Variants in TSPAN18 observed in about 807,000 individuals in gnomAD.
The protein encoded by TSPAN18 is tetraspanin 18, also known as tetraspanin-18.
Under a neutral mutation model 27.3 loss-of-function variants are expected in TSPAN18, and 14 were observed. The ratio of observed to expected loss-of-function variants is 0.51; its 90% CI spans 0.34 to 0.80. The LOEUF (loss-of-function observed/expected upper bound fraction) is 0.80, where lower values mean the gene tolerates loss of function less well. Among genes scored for constraint, TSPAN18 ranks in the 30% least tolerant of loss-of-function variants. The pLI is 0.01. For missense variants in TSPAN18, 268 were observed against 323.9 expected, an observed-to-expected ratio of 0.83 and a Z score of 1.32; for synonymous variants, 143 against 136.5, an observed-to-expected ratio of 1.05 and a Z score of -0.33.
intron 1 of TSPAN18, among the ~76,000 whole-genome samples, chr11:44,744,427 C>G (rs1157829525): frequency 6.6e-6 from 1 of 152,102 alleles, no homozygotes; most frequent in Non-Finnish European, 1.5e-5. Flanking sequence ...TCTGGCCTTC[C>G]CAGTGGTTCC....
chr11:44,917,873 C>G, intron 5 of TSPAN18, 99 bp from the exon 6 acceptor site: 1 of 1,079,372 alleles, frequency 9.3e-7, no homozygotes, highest in Non-Finnish European at 1.4e-6. Flanking sequence ...AATGAGTATA[C>G]TGCGTCACTG....
intron 3 of TSPAN18, among the ~76,000 whole-genome samples, chr11:44,866,575 A>G (rs1161960515): frequency 3.9e-5 from 6 of 152,100 alleles, no homozygotes; most frequent in African/African-American, 9.7e-5. Context: ...CAGTCTCCCA[A>G]CCATTCTCTG....
chr11:44,811,175 C>CACACAG (rs1554986590), intron 2 of TSPAN18, among the ~76,000 whole-genome samples: 2 of 149,426 alleles, frequency 1.3e-5, no homozygotes, highest in African/African-American at 4.9e-5. Flanking sequence ...CACACACACA[C>CACACAG]CCCTGCCTGT....
intron 3 of TSPAN18, among the ~76,000 whole-genome samples, chr11:44,891,928 G>A (rs952786352): frequency 6.6e-6 from 1 of 152,214 alleles, no homozygotes; most frequent in Non-Finnish European, 1.5e-5. Context: ...GTGTTATGGT[G>A]TGAATTACCA....
chr11:44,858,363 AGAG>A (rs776976108), intron 2 of TSPAN18, among the ~76,000 whole-genome samples: 4 of 149,890 alleles, frequency 2.7e-5, no homozygotes, highest in Admixed American at 6.6e-5. Context: ...CAGGGGAATT[AGAG>A]GAGGAGAAGC....
chr11:44,876,669 G>A (rs756740735), intron 3 of TSPAN18, among the ~76,000 whole-genome samples: 2 of 152,152 alleles, frequency 1.3e-5, no homozygotes, highest in African/African-American at 2.4e-5. Flanking sequence ...CTTTTACAAT[G>A]ATTTGTTTTA....
chr11:44,917,409 A>G (rs934608673), intron 5 of TSPAN18, among the ~76,000 whole-genome samples: 1 of 152,218 alleles, frequency 6.6e-6, no homozygotes, highest in South Asian at 2.1e-4. Flanking sequence ...CTCCTGGCCC[A>G]TGGGTTTTGA....
intron 2 of TSPAN18, among the ~76,000 whole-genome samples, chr11:44,816,328 A>G (rs1856818174): frequency 6.6e-6 from 1 of 152,234 alleles, no homozygotes; most frequent in Non-Finnish European, 1.5e-5. Flanking sequence ...GGTCACCCGC[A>G]ACTGAAATTG....
Position 44,909,829 on chromosome 11 carries a change from G to A in TSPAN18, c.188G>A (p.Gly63Asp), listed in dbSNP as rs757262171. 2 of 1,614,064 alleles carry A rather than the reference G, an allele frequency of 1.2e-6. No individual in the cohort carries two copies. Among genetic ancestry groups the A allele is most frequent in the Non-Finnish European group, 1.7e-6 (2 of 1,180,018 alleles). The change falls in exon 5 of 10, where the codon GGC (glycine) becomes GAC (aspartate). Residue 63 changes from glycine to aspartate, a missense_variant. Physicochemically the swap from Gly to Asp is moderately conservative, Grantham distance 94 (BLOSUM62 -1). Coordinates refer to ENST00000520358, the MANE Select transcript of TSPAN18 (RefSeq NM_130783.5). ...GCCTACATCCTCCTGGCCATGGGGG[G>A]CCTGCTCTTTCTGCTCGGCTTCCTG... The part of the protein sequence containing the change: ...TGAYILLAMG[G>D]LLFLLGFLGC...
At chr11:44,806,826 C>T (rs780379728) in intron 2 of TSPAN18, among the ~76,000 whole-genome samples, 3 of 152,122 alleles carry the variant, frequency 2.0e-5, no homozygotes, top group Admixed American at 6.5e-5. Flanking sequence ...CCTTCAACAC[C>T]TCCAGAGCAG....
intron 2 of TSPAN18, among the ~76,000 whole-genome samples, chr11:44,843,090 T>C (rs1857407043): frequency 6.6e-6 from 1 of 152,264 alleles, no homozygotes; most frequent in East Asian, 1.9e-4. Flanking sequence ...CATATATATC[T>C]AATATAGCAT....
At chr11:44,816,285 A>G (rs539240763) in intron 2 of TSPAN18, among the ~76,000 whole-genome samples, 1 of 152,370 alleles carries the variant, frequency 6.6e-6, no homozygotes, top group South Asian at 2.1e-4. Context: ...ACCAGGAGGC[A>G]GTTGCATGTG....
chr11:44,892,348 C>A lies in TSPAN18; in HGVS notation c.-10-14059C>A, dbSNP rs186912847. 1.8e-3 allele frequency among the ~76,000 whole-genome samples: 277 copies of A among 152,308 alleles called. 1 individual carries two copies. The highest frequency in any genetic ancestry group is 3.1e-3 in the Admixed American group (47 of 15,308). ...CTGACCCGCGCCATTCCTCCCAGGC[C>A]CCTGGACTTGGTTGCTTGGCCTGCT... On this transcript the variant is annotated intron_variant, in intron 3 of 9. Transcript: ENST00000520358.
At chr11:44,740,444 G>A (rs1322506964) in intron 1 of TSPAN18, among the ~76,000 whole-genome samples, 1 of 152,216 alleles carries the variant, frequency 6.6e-6, no homozygotes, top group Non-Finnish European at 1.5e-5. Context: ...TGTCCTGTGA[G>A]AGGGCAGGGC....
At position 44,930,499 on chromosome 11, in the gene TSPAN18, G is replaced by C. The variant is rs1005887483; in HGVS notation, c.*1321G>C. The C allele has an allele frequency of 8.4e-6, 2 of 237,890 alleles. No individual in the cohort carries two copies. The highest frequency in any genetic ancestry group is 2.3e-5 in the African/African-American group (1 of 43,612). The allele number at this position is 237,890 out of a possible 1,614,324, so 14.7% of individuals were successfully genotyped here. On this transcript the variant is annotated 3_prime_UTR_variant, in exon 10 of 10. Transcript: ENST00000520358. ...CAGGCTAAAGAATCCCGAAGGCATC[G>C]AGGCCATTTCTGCTGCAACAAGGTT...
At chr11:44,872,112 G>A (rs777544712) in intron 3 of TSPAN18, among the ~76,000 whole-genome samples, 8 of 151,922 alleles carry the variant, frequency 5.3e-5, no homozygotes, top group Non-Finnish European at 7.4e-5. Context: ...TGTATTTTTA[G>A]TAGAGACAGG....
At chr11:44,761,403 C>T (rs1855452207) in intron 1 of TSPAN18, among the ~76,000 whole-genome samples, 1 of 152,224 alleles carries the variant, frequency 6.6e-6, no homozygotes, top group Admixed American at 6.5e-5. Context: ...GAGGAGGGGA[C>T]TGCAATGAGA....
At chr11:44,788,461 T>TTC (rs1171256685) in intron 2 of TSPAN18, among the ~76,000 whole-genome samples, 1 of 148,896 alleles carries the variant, frequency 6.7e-6, no homozygotes, top group Non-Finnish European at 1.5e-5. Context: ...TTTCTCTTTT[T>TTC]TTTTTTTTTT....
chr11:44,819,890 A>G (rs1281421227), intron 2 of TSPAN18, among the ~76,000 whole-genome samples: 1 of 152,200 alleles, frequency 6.6e-6, no homozygotes, highest in South Asian at 2.1e-4. Context: ...GTAAAGGTAC[A>G]GACAGATCCA....
Sources: allele counts gnomAD v4.1 joint callset (sites outside exome capture counted in the v4.1 genomes callset), GRCh38; gene constraint gnomAD v4.1.1; transcripts MANE v1.5; gene names NCBI Gene and HGNC (gene_info 2026-07-23, HGNC 2026-07-21).